Variants in TRANK1 observed in about 807,000 individuals in gnomAD.
TRANK1 encodes the protein TPR and ankyrin repeat-containing protein 1.
In TRANK1, 198 loss-of-function variants were observed where a neutral mutation model predicts 266.0. The ratio of observed to expected loss-of-function variants is 0.74; its 90% CI spans 0.66 to 0.84. TRANK1 has a LOEUF of 0.84. Ranked by LOEUF, TRANK1 falls within the 40% of genes least tolerant of loss-of-function variation. The pLI is 0.00. For missense variants in TRANK1, 3,326 were observed against 3,634.6 expected (o/e 0.92, Z 2.18); for synonymous variants, 1,396 against 1,384.1 (o/e 1.01, Z -0.19).
At chr3:36,932,468 C>T (rs909121272) in intron 1 of TRANK1, among the ~76,000 whole-genome samples, 4 of 152,162 alleles carry the variant, frequency 2.6e-5, no homozygotes, top group African/African-American at 9.7e-5. Context: ...GAGCCTAAGG[C>T]AGGAGAATCG....
chr3:36,943,004 A>C (rs1313758409), intron 1 of TRANK1, among the ~76,000 whole-genome samples: 1 of 152,162 alleles, frequency 6.6e-6, no homozygotes, highest in Non-Finnish European at 1.5e-5. Context: ...AACATGGCGA[A>C]ACACCGTCTC....
chr3:36,879,667 T>TATATAAATATATAAATATATAAATATAA (rs2079453802), intron 8 of TRANK1, among the ~76,000 whole-genome samples: 3 of 86,628 alleles, frequency 3.5e-5, no homozygotes, highest in Non-Finnish European at 6.3e-5. Context: ...TATATAAATA[T>TATATAAATATATAAATATATAAATATAA]ATATAAATAT....
At chr3:36,909,887 C>T (rs557685494) in intron 1 of TRANK1, among the ~76,000 whole-genome samples, 39 of 152,258 alleles carry the variant, frequency 2.6e-4, no homozygotes, top group African/African-American at 8.4e-4. Flanking sequence ...ACTATTTACA[C>T]AGAGATGACT....
chr3:36,917,562 C>G (rs1450892866), intron 1 of TRANK1, among the ~76,000 whole-genome samples: 1 of 152,028 alleles, frequency 6.6e-6, no homozygotes, highest in Non-Finnish European at 1.5e-5. Context: ...GTGTATTTAT[C>G]TGTTTGTTTA....
intron 3 of TRANK1, among the ~76,000 whole-genome samples, chr3:36,902,548 CAG>C (rs1235362554): frequency 2.0e-5 from 3 of 152,178 alleles, no homozygotes; most frequent in Admixed American, 1.3e-4. Flanking sequence ...GAGTGGCACT[CAG>C]GGCATTTCTG....
intron 8 of TRANK1, among the ~76,000 whole-genome samples, chr3:36,877,280 AT>A (rs1459347262): frequency 2.0e-5 from 3 of 152,254 alleles, no homozygotes; most frequent in South Asian, 2.1e-4. Context: ...GCAGAAAAAA[AT>A]GTAAGATATT....
intron 1 of TRANK1, among the ~76,000 whole-genome samples, chr3:36,922,399 T>C (rs2080228353): frequency 6.6e-6 from 1 of 151,128 alleles, no homozygotes; most frequent in African/African-American, 2.4e-5. Context: ...AGGTCAGGAG[T>C]TGGAGACCAG....
rs1329748447 is a variant in TRANK1 at position 36,857,811 on chromosome 3, C to T, written c.1911G>A (p.Lys637=). 1 of 1,611,434 alleles carries T rather than the reference C, an allele frequency of 6.2e-7. No individual in the cohort carries two copies. The highest frequency in any genetic ancestry group is 8.5e-7 in the Non-Finnish European group (1 of 1,178,954). ...TCCAGGCCAAGAGCAGAGAGTCGTT[C>T]TTCTTAATCCGGTGCCGTGCATCTT... The part of the protein sequence containing the change: ...EGKDARHRIK[K]NDSLLLAWNK... The change falls in exon 13 of 24, where the codon AAG becomes AAA. Residue 637 remains lysine (K), a synonymous_variant. Coordinates refer to ENST00000645898, the MANE Select transcript of TRANK1 (RefSeq NM_001329998.2). This position sits in a 1 kb window ranked among gnomAD's most constrained non-coding sequence, Gnocchi z 4.3.
rs1375157089 is a variant in TRANK1, at chr3:36,832,663, A to T, written c.6920T>A (p.Leu2307Ter). The change falls in exon 22 of 24, where the codon TTG becomes TAG. Residue 2307 changes from leucine to a stop codon, truncating the protein, a stop_gained. Coordinates refer to ENST00000645898, the MANE Select transcript of TRANK1 (RefSeq NM_001329998.2). LOFTEE classifies it high-confidence loss of function. ...AAACAGAAAGTGGATGTACTCCTTC[A>T]AAGCAAATCTGTAGAACCGGAAGGA... ...YKSFRFYRFALKEYIHFLFEN... is the reference protein window; with the variant it reads ...YKSFRFYRFA The T allele has an allele frequency of 1.7e-5, 28 of 1,613,900 alleles. No homozygotes were observed. Among genetic ancestry groups the T allele is most frequent in the Non-Finnish European group, 1.9e-5 (22 of 1,179,910 alleles).
intron 1 of TRANK1, 38 bp downstream of exon 1, chr3:36,944,749 G>T (rs968852694): frequency 1.3e-6 from 2 of 1,502,214 alleles, no homozygotes; most frequent in Non-Finnish European, 8.8e-7. Flanking sequence ...GGCCCGGAAG[G>T]CCAGAGATGC....
chr3:36,886,925 GA>G (rs2079615541), intron 8 of TRANK1, among the ~76,000 whole-genome samples: 2 of 34,958 alleles, frequency 5.7e-5, no homozygotes, highest in African/African-American at 2.9e-4. Context: ...TTTTTTTTTT[GA>G]GACAGAGTCT....
At position 36,831,766 on chromosome 3, in the gene TRANK1, T is replaced by C. The variant is rs1192145781; in HGVS notation, c.7817A>G (p.Gln2606Arg). Residue 2606 changes from glutamine to arginine, a missense_variant, in exon 22 of 24, where the codon CAG (glutamine) becomes CGG (arginine). By Grantham distance (43) the Gln-to-Arg change is conservative. Transcript: ENST00000645898. This position sits in a 1 kb window ranked among gnomAD's most constrained non-coding sequence, Gnocchi z 5.0. ...LQLMSMDCPG[Q>R]VPERLLKVVK... Reference sequence around the variant, plus strand: ...CACCTTCAGGAGCCTCTCGGGAACCTGGCCAGGGCAGTCCATGCTCATGAG... The same window carrying C: ...CACCTTCAGGAGCCTCTCGGGAACCCGGCCAGGGCAGTCCATGCTCATGAG... 1.9e-5 allele frequency: 31 copies of C among 1,613,796 alleles called. No individual in the cohort carries two copies. The highest frequency in any genetic ancestry group is 2.6e-5 in the Non-Finnish European group (31 of 1,179,870).
intron 11 of TRANK1, 103 bp from the exon 12 acceptor site, chr3:36,858,997 T>A: frequency 7.7e-7 from 1 of 1,307,022 alleles, no homozygotes; most frequent in Non-Finnish European, 1.0e-6. Context: ...GAAGAGCTAA[T>A]GTTTACCTAA....
rs115522003 is a variant in TRANK1 at position 36,921,106 on chromosome 3, T to C, written c.24-12652A>G. Among the ~76,000 whole-genome samples, 1,251 of 152,294 alleles carry C rather than the reference T, an allele frequency of 8.2e-3. 13 individuals are homozygous for C. The highest frequency in any genetic ancestry group is 0.028 in the African/African-American group (1,173 of 41,568). ...GACCTGAGTCACCCCCGGTCCCCTG[T>C]TCTGACCTAAGTCACCTTCGGTTAC... On this transcript the variant is annotated intron_variant, in intron 1 of 23. Transcript: ENST00000645898.
chr3:36,892,846 A>G, intron 6 of TRANK1, 55 bp downstream of exon 6: 2 of 745,514 alleles, frequency 2.7e-6, no homozygotes, highest in Non-Finnish European at 3.4e-6. Flanking sequence ...ACAAAACAAA[A>G]CAAAACATAT....
rs2079773589 is a variant in TRANK1 at position 36,895,368 on chromosome 3, C to T, written c.552+272G>A. Among the ~76,000 whole-genome samples, 3 of 152,192 alleles carry T rather than the reference C, an allele frequency of 2.0e-5. No homozygotes were observed. In the South Asian group the frequency reaches 6.2e-4, roughly 32 times the overall value. ...AAAATGAACACACAGCTTTGTTTTT[C>T]TCATTCCATATTACCATTAGCATCT... On this transcript the variant is annotated intron_variant, in intron 5 of 23. Transcript: ENST00000645898.
intron 3 of TRANK1, 51 bp downstream of exon 3, chr3:36,903,098 C>T: frequency 4.6e-6 from 7 of 1,518,336 alleles, no homozygotes; most frequent in Non-Finnish European, 5.3e-6. Context: ...TCATCCACCA[C>T]CCCAATACTC....
chr3:36,899,638 A>T (rs149443000), intron 3 of TRANK1, among the ~76,000 whole-genome samples: 2 of 152,300 alleles, frequency 1.3e-5, no homozygotes, highest in African/African-American at 4.8e-5. Flanking sequence ...CAGCCTGGGC[A>T]ACAGACTTAT....
intron 8 of TRANK1, among the ~76,000 whole-genome samples, chr3:36,877,115 G>A (rs2079401519): frequency 6.6e-6 from 1 of 152,174 alleles, no homozygotes; most frequent in Admixed American, 6.5e-5. Flanking sequence ...GATTCTCTAT[G>A]TACCAAACAA....
Sources: allele counts gnomAD v4.1 joint callset (sites outside exome capture counted in the v4.1 genomes callset), GRCh38; gene constraint gnomAD v4.1.1; non-coding constraint Gnocchi (gnomAD v3.1); transcripts MANE v1.5; gene names NCBI Gene and HGNC (gene_info 2026-07-23, HGNC 2026-07-21).